Variants in NFIA observed in about 807,000 individuals in gnomAD.
NFIA encodes nuclear factor I A.
NFIA carries 8 observed loss-of-function variants against 62.8 expected under a neutral mutation model. The observed-to-expected ratio is 0.13, with a 90% CI of 0.07 to 0.23. NFIA has a LOEUF of 0.23. NFIA is among the 10% of genes least tolerant of loss of function. NFIA has a pLI of 1.00. For missense variants in NFIA, 410 were observed against 642.1 expected, an observed-to-expected ratio of 0.64 and a Z score of 3.91; for synonymous variants, 235 against 238.1, an observed-to-expected ratio of 0.99 and a Z score of 0.12.
At chr1:61,208,373 T>G (rs1482303259) in intron 2 of NFIA, among the ~76,000 whole-genome samples, 1 of 152,166 alleles carries the variant, frequency 6.6e-6, no homozygotes, top group Admixed American at 6.5e-5. Flanking sequence ...AAGGGAAATA[T>G]GTAGTGTTTT....
At chr1:61,331,411 C>T (rs1326846087) in intron 3 of NFIA, among the ~76,000 whole-genome samples, 1 of 152,150 alleles carries the variant, frequency 6.6e-6, no homozygotes, top group Non-Finnish European at 1.5e-5. Context: ...TGCAGTGCCA[C>T]AGGTAAATTT....
intron 10 of NFIA, among the ~76,000 whole-genome samples, chr1:61,427,219 C>T (rs1666909076): frequency 6.6e-6 from 1 of 152,016 alleles, no homozygotes; most frequent in South Asian, 2.1e-4. Flanking sequence ...TTGTGCTAGT[C>T]TAGGTCAAGG....
intron 2 of NFIA, among the ~76,000 whole-genome samples, chr1:61,246,493 A>AC (rs1363375694): frequency 6.6e-6 from 1 of 151,948 alleles, no homozygotes; most frequent in East Asian, 1.9e-4. Flanking sequence ...GAGAAACAGA[A>AC]CCCCTGCATG....
intron 7 of NFIA, among the ~76,000 whole-genome samples, chr1:61,389,332 A>G (rs902417972): frequency 5.9e-5 from 9 of 152,226 alleles, no homozygotes; most frequent in Non-Finnish European, 1.0e-4. Context: ...CCACTTTTTC[A>G]TAGGATCTTC....
intron 2 of NFIA, among the ~76,000 whole-genome samples, chr1:61,130,415 A>G (rs1557586374): frequency 6.6e-6 from 1 of 152,244 alleles, no homozygotes; most frequent in Non-Finnish European, 1.5e-5. Context: ...TTTAAACAAC[A>G]TAGGAGAGAA....
At chr1:61,409,473 T>C (rs990998847) in intron 9 of NFIA, among the ~76,000 whole-genome samples, 27 of 152,318 alleles carry the variant, frequency 1.8e-4, no homozygotes, top group African/African-American at 6.5e-4. Flanking sequence ...AAATTAAAAA[T>C]CTTGAAGCCC....
intron 5 of NFIA, among the ~76,000 whole-genome samples, chr1:61,353,470 T>G (rs749401952): frequency 1.3e-5 from 2 of 152,188 alleles, no homozygotes; most frequent in Non-Finnish European, 2.9e-5. Flanking sequence ...ACAAATTGGC[T>G]TTAGCACTGG....
chr1:61,365,271 T>C (rs1344699549), intron 6 of NFIA, among the ~76,000 whole-genome samples: 1 of 152,168 alleles, frequency 6.6e-6, no homozygotes, highest in Non-Finnish European at 1.5e-5. Flanking sequence ...CCGGTGATGC[T>C]TGTGCATGTT....
chr1:61,128,138 G>A (rs334736), intron 2 of NFIA, among the ~76,000 whole-genome samples: 129,285 of 151,874 alleles, frequency 0.85, 55,114 homozygotes, highest in Middle Eastern at 0.89. Context: ...TAATGTAGAC[G>A]TGGAGTCCCC....
At chr1:61,378,465 G>A (rs1002882287) in intron 6 of NFIA, among the ~76,000 whole-genome samples, 1 of 152,158 alleles carries the variant, frequency 6.6e-6, no homozygotes, top group African/African-American at 2.4e-5. Flanking sequence ...GAAACTTTCA[G>A]AATTATAGAG....
At chr1:61,269,128 C>A (rs918898793) in intron 2 of NFIA, among the ~76,000 whole-genome samples, 2 of 151,546 alleles carry the variant, frequency 1.3e-5, no homozygotes, top group Non-Finnish European at 2.9e-5. Context: ...CAATTTGATT[C>A]CTTCGGTAAG....
chr1:61,160,202 T>TAC (rs1025883936), intron 2 of NFIA, among the ~76,000 whole-genome samples: 1 of 152,134 alleles, frequency 6.6e-6, no homozygotes, highest in African/African-American at 2.4e-5. Context: ...CCCTGTTGCG[T>TAC]CATCTTTAAA....
At chr1:61,320,903 G>T (rs1460888448) in intron 3 of NFIA, among the ~76,000 whole-genome samples, 2 of 152,064 alleles carry the variant, frequency 1.3e-5, no homozygotes, top group Non-Finnish European at 2.9e-5. Context: ...ACATTTCCCT[G>T]TTTTTTCCCT....
rs1303184667 is a variant in NFIA at position 61,395,288 on chromosome 1, G to GTTTT, written c.1076-8804_1076-8801dup. Among the ~76,000 whole-genome samples the GTTTT allele has an allele frequency of 4.8e-3, 655 of 135,648 alleles. 16 individuals are homozygous for GTTTT. The highest frequency in any genetic ancestry group is 0.027 in the East Asian group (130 of 4,858). The allele number at this position is 135,648 out of a possible 152,430, so 89.0% of individuals were successfully genotyped here. ...CTGCTTATTTTCTGTGTGTGTGTGT[G>GTTTT]TTTTTTTTTTTTTTTAATGCAGGAA... On this transcript the variant is annotated intron_variant, in intron 7 of 10. Transcript: ENST00000403491.
At chr1:61,332,993 T>G (rs1347982460) in intron 4 of NFIA, among the ~76,000 whole-genome samples, 2 of 151,482 alleles carry the variant, frequency 1.3e-5, no homozygotes, top group African/African-American at 4.9e-5. Flanking sequence ...GCTCCATTGA[T>G]CAAAGGCCCA....
chr1:61,455,152 T>C (rs1222650721), intron 10 of NFIA, 151 bp from the exon 11 acceptor site: 6 of 694,870 alleles, frequency 8.6e-6, no homozygotes, highest in East Asian at 2.7e-5. Context: ...TGTCACAGGA[T>C]TTTTTATTGT....
At chr1:61,117,016 A>C (rs1240218690) in intron 2 of NFIA, among the ~76,000 whole-genome samples, 1 of 152,206 alleles carries the variant, frequency 6.6e-6, no homozygotes, top group Non-Finnish European at 1.5e-5. Flanking sequence ...AAATTACAGT[A>C]GGGAATCAAA....
chr1:61,176,882 A>T lies in NFIA; in HGVS notation c.559+88202A>T, dbSNP rs184901340. ...CACTTTGGGAGGCTGCGGCGGGCAGATCACGAGGTCAGGAGATCGAGACCA... is the reference window on the plus strand; with the variant it reads ...CACTTTGGGAGGCTGCGGCGGGCAGTTCACGAGGTCAGGAGATCGAGACCA... On this transcript the variant is annotated intron_variant, in intron 2 of 10. Transcript: ENST00000403491. 4.1e-3 allele frequency among the ~76,000 whole-genome samples: 626 copies of T among 152,256 alleles called. 4 individuals are homozygous for T. Among genetic ancestry groups the T allele is most frequent in the African/African-American group, 0.014 (593 of 41,540 alleles).
chr1:61,229,192 G>A (rs1654516469), intron 2 of NFIA, among the ~76,000 whole-genome samples: 1 of 150,650 alleles, frequency 6.6e-6, no homozygotes, highest in African/African-American at 2.4e-5. Context: ...TAATTCCTCT[G>A]TACAAATCAA....
Sources: allele counts gnomAD v4.1 joint callset (sites outside exome capture counted in the v4.1 genomes callset), GRCh38; gene constraint gnomAD v4.1.1; transcripts MANE v1.5; gene names NCBI Gene and HGNC (gene_info 2026-07-23, HGNC 2026-07-21).